The following CCR3 variants were observed in gnomAD, a reference collection of about 807,000 sequenced individuals.
CCR3 encodes C-C motif chemokine receptor 3.
For missense variants in CCR3, 419 were observed against 437.5 expected (o/e 0.96, Z 0.38); for synonymous variants, 203 against 179.2 (o/e 1.13, Z -1.06).
At chr3:46,237,203 A>G (rs1258003698) in intron 2 of CCR3, among the ~76,000 whole-genome samples, 1 of 152,186 alleles carries the variant, frequency 6.6e-6, no homozygotes, top group East Asian at 1.9e-4. Flanking sequence ...CCTTTGATAT[A>G]CTGATTTCCT....
chr3:46,216,930 A>G, intron 2 of CCR3, among the ~76,000 whole-genome samples: 1 of 152,234 alleles, frequency 6.6e-6, no homozygotes, highest in East Asian at 1.9e-4. Flanking sequence ...AGGACCTATA[A>G]AACAATAACA....
chr3:46,263,266 A>G (rs147041128), intron 1 of CCR3: 1 of 153,610 alleles, frequency 6.5e-6, no homozygotes, highest in Non-Finnish European at 1.5e-5. Flanking sequence ...CGGTGAATAC[A>G]GGCTACTATA....
At chr3:46,227,703 A>T (rs1442822387) in intron 2 of CCR3, among the ~76,000 whole-genome samples, 2 of 151,998 alleles carry the variant, frequency 1.3e-5, no homozygotes, top group Non-Finnish European at 2.9e-5. Context: ...CAGCCCACAT[A>T]CCTTGATATA....
intron 1 of CCR3, among the ~76,000 whole-genome samples, chr3:46,248,941 C>G (rs1215055758): frequency 6.6e-6 from 1 of 152,088 alleles, no homozygotes; most frequent in Non-Finnish European, 1.5e-5. Flanking sequence ...GGTTTTAGGA[C>G]AGGTAAAATG....
chr3:46,246,925 T>G (rs1202675363), intron 1 of CCR3, among the ~76,000 whole-genome samples: 1 of 151,712 alleles, frequency 6.6e-6, no homozygotes, highest in Non-Finnish European at 1.5e-5. Context: ...GGGGTGATAT[T>G]GTGGGGATGT....
intron 2 of CCR3, among the ~76,000 whole-genome samples, chr3:46,234,569 T>C (rs1017273335): frequency 2.6e-5 from 4 of 152,166 alleles, no homozygotes; most frequent in Admixed American, 6.5e-5. Context: ...TAACATTCTA[T>C]AAAGCTTAGT....
chr3:46,219,425 A>G (rs957294984), intron 2 of CCR3, among the ~76,000 whole-genome samples: 5 of 152,164 alleles, frequency 3.3e-5, no homozygotes, highest in African/African-American at 7.2e-5. Flanking sequence ...CAATCTATAA[A>G]TTCAATGCAA....
chr3:46,254,741 G>GT (rs1315562976), intron 1 of CCR3, among the ~76,000 whole-genome samples: 1 of 152,042 alleles, frequency 6.6e-6, no homozygotes, highest in African/African-American at 2.4e-5. Flanking sequence ...ACAATGTTTG[G>GT]TTTTCCATTC....
At position 46,252,926 on chromosome 3, in the gene CCR3, A is replaced by G. The variant is rs1036036513; in HGVS notation, c.-12+10388A>G. On this transcript the variant is annotated intron_variant, in intron 1 of 1. Transcript: ENST00000395940. Reference sequence around the variant, plus strand: ...GTTACATGACTCAGGGATTTAAAAAAAAAAAGTTCAAATTTAGGAGGGACT... The same window carrying G: ...GTTACATGACTCAGGGATTTAAAAAGAAAAAGTTCAAATTTAGGAGGGACT... Among the ~76,000 whole-genome samples the G allele has an allele frequency of 1.3e-3, 202 of 152,262 alleles. 2 individuals carry two copies. The highest frequency in any genetic ancestry group is 4.5e-3 in the African/African-American group (189 of 41,550).
chr3:46,237,068 A>T (rs1353038612), intron 2 of CCR3, among the ~76,000 whole-genome samples: 3 of 151,894 alleles, frequency 2.0e-5, no homozygotes, highest in Non-Finnish European at 1.5e-5. Context: ...TTATGGCTGA[A>T]TAATATTTCA....
chr3:46,250,781 GAGAGT>G (rs1443265656), intron 1 of CCR3, among the ~76,000 whole-genome samples: 2 of 151,908 alleles, frequency 1.3e-5, no homozygotes, highest in African/African-American at 4.8e-5. Flanking sequence ...AGAGAAAAGA[GAGAGT>G]AGAGACATGG....
chr3:46,224,509 G>A (rs780512662), intron 2 of CCR3, among the ~76,000 whole-genome samples: 29 of 150,954 alleles, frequency 1.9e-4, no homozygotes, highest in Non-Finnish European at 3.2e-4. Context: ...AGGCTGAGGC[G>A]GGCAGATTAC....
At chr3:46,227,037 A>AT (rs35059249) in intron 2 of CCR3, among the ~76,000 whole-genome samples, 30 of 150,774 alleles carry the variant, frequency 2.0e-4, no homozygotes, top group South Asian at 1.5e-3. Flanking sequence ...ATGCCTGGCT[A>AT]TTTTTTTATT....
At chr3:46,218,062 G>GCTTATCTTTAGCTAAATTA (rs1699795622) in intron 2 of CCR3, among the ~76,000 whole-genome samples, 1 of 151,796 alleles carries the variant, frequency 6.6e-6, no homozygotes, top group African/African-American at 2.4e-5. Context: ...AAAATCGATA[G>GCTTATCTTTAGCTAAATTA]ACCATTAGCA....
intron 2 of CCR3, among the ~76,000 whole-genome samples, chr3:46,212,868 A>T (rs1198388274): frequency 1.3e-5 from 2 of 152,210 alleles, no homozygotes; most frequent in African/African-American, 4.8e-5. Flanking sequence ...ACAGGAAGTC[A>T]TCAATGAAAG....
chr3:46,220,075 C>T (rs980727808), intron 2 of CCR3, among the ~76,000 whole-genome samples: 1 of 152,176 alleles, frequency 6.6e-6, no homozygotes, highest in East Asian at 1.9e-4. Flanking sequence ...GGGAGAAAAT[C>T]TTTGCAAACT....
intron 2 of CCR3, among the ~76,000 whole-genome samples, chr3:46,228,783 T>C (rs1181745766): frequency 6.6e-6 from 1 of 152,258 alleles, no homozygotes. Context: ...ACTGGATATC[T>C]ACAGACTTGT....
intron 1 of CCR3, among the ~76,000 whole-genome samples, chr3:46,243,974 C>T (rs937610338): frequency 2.0e-5 from 3 of 152,146 alleles, no homozygotes; most frequent in African/African-American, 7.2e-5. Flanking sequence ...AGATCTTCTC[C>T]ATATTGATGG....
intron 2 of CCR3, among the ~76,000 whole-genome samples, chr3:46,222,011 G>A (rs1377217717): frequency 6.6e-6 from 1 of 152,136 alleles, no homozygotes; most frequent in East Asian, 1.9e-4. Flanking sequence ...CACACAAACT[G>A]GCACTGAAGA....
Sources: gnomAD v4.1 joint callset for allele counts (sites outside exome capture counted in the v4.1 genomes callset) on GRCh38, gnomAD v4.1.1 for gene constraint, MANE v1.5 for transcripts, NCBI Gene and HGNC (gene_info 2026-07-23, HGNC 2026-07-21) for gene names.